Variants in DLGAP4 observed in about 807,000 individuals in gnomAD.
DLGAP4 encodes the protein disks large-associated protein 4.
A neutral mutation model predicts 86.9 loss-of-function variants in DLGAP4; 18 were observed. That is an observed-to-expected ratio of 0.21 (90% CI 0.14 to 0.31). The LOEUF is 0.31. DLGAP4 is among the 10% of genes least tolerant of loss of function. DLGAP4 has a pLI of 1.00. For synonymous variants in DLGAP4, 548 were observed against 574.3 expected (o/e 0.95, Z 0.65); for missense variants, 1,085 against 1,362.6 (o/e 0.80, Z 3.21).
At chr20:36,486,908 G>A (rs966806479) in intron 7 of DLGAP4, among the ~76,000 whole-genome samples, 4 of 148,220 alleles carry the variant, frequency 2.7e-5, no homozygotes, top group African/African-American at 1.0e-4. Flanking sequence ...CACCTCACCC[G>A]GCCTGGAATG....
At chr20:36,481,236 A>T (rs2035173478) in intron 7 of DLGAP4, among the ~76,000 whole-genome samples, 1 of 152,040 alleles carries the variant, frequency 6.6e-6, no homozygotes, top group African/African-American at 2.4e-5. Context: ...CTTCTTAGAA[A>T]GCTCCTCTTT....
At chr20:36,464,407 A>G (rs1600574682) in intron 7 of DLGAP4, among the ~76,000 whole-genome samples, 2 of 152,156 alleles carry the variant, frequency 1.3e-5, no homozygotes, top group East Asian at 3.8e-4. Flanking sequence ...AAAAAATACA[A>G]AAATTAGCTG....
chr20:36,373,219 A>T (rs1274660769), intron 2 of DLGAP4, among the ~76,000 whole-genome samples: 1 of 152,176 alleles, frequency 6.6e-6, no homozygotes, highest in African/African-American at 2.4e-5. Flanking sequence ...GATTCGATTG[A>T]CTTGTAACTG....
rs1198520060 is a variant in DLGAP4 at position 36,394,554 on chromosome 20, G to C, written c.-73+27279G>C. On this transcript the variant is annotated intron_variant, in intron 2 of 12. Transcript: ENST00000339266. Reference sequence around the variant, plus strand: ...GCTGTGTGGGCTGTGGTGCGTGTGTGTGCACGTGGCCCTGGGTACATGCAC... The same window carrying C: ...GCTGTGTGGGCTGTGGTGCGTGTGTCTGCACGTGGCCCTGGGTACATGCAC... Among the ~76,000 whole-genome samples the C allele has an allele frequency of 2.0e-5, 3 of 152,204 alleles. No homozygotes were observed. In the East Asian group the frequency reaches 5.8e-4, roughly 29 times the overall value.
intron 1 of DLGAP4, among the ~76,000 whole-genome samples, chr20:36,326,144 G>A (rs1555890996): frequency 6.6e-6 from 1 of 152,134 alleles, no homozygotes; most frequent in Admixed American, 6.5e-5. Context: ...AGCATTTCTT[G>A]TAGGCAGCAT....
chr20:36,435,642 C>G (rs1422662408), intron 3 of DLGAP4, among the ~76,000 whole-genome samples: 1 of 152,236 alleles, frequency 6.6e-6, no homozygotes, highest in Non-Finnish European at 1.5e-5. Context: ...CCCGTCCCCC[C>G]TCATGCTGAT....
At chr20:36,404,235 G>T (rs188173643) in intron 2 of DLGAP4, among the ~76,000 whole-genome samples, 1 of 152,288 alleles carries the variant, frequency 6.6e-6, no homozygotes, top group African/African-American at 2.4e-5. Flanking sequence ...ATGGAGGTTG[G>T]ATTTGGTGAT....
intron 1 of DLGAP4, among the ~76,000 whole-genome samples, chr20:36,333,901 G>A (rs1426430273): frequency 6.6e-6 from 1 of 152,250 alleles, no homozygotes; most frequent in Non-Finnish European, 1.5e-5. Flanking sequence ...GGAAACTCAT[G>A]GGACCTGCCT....
chr20:36,345,949 G>A (rs954956460), intron 1 of DLGAP4, among the ~76,000 whole-genome samples: 1 of 152,016 alleles, frequency 6.6e-6, no homozygotes, highest in Admixed American at 6.6e-5. Context: ...TAGAGACAGG[G>A]TCTTGCTATG....
intron 4 of DLGAP4, among the ~76,000 whole-genome samples, chr20:36,437,750 G>A (rs1024297325): frequency 6.6e-5 from 10 of 152,176 alleles, no homozygotes; most frequent in African/African-American, 2.4e-4. Context: ...GAACAGGTCA[G>A]GTGACACTGG....
intron 8 of DLGAP4, 40 bp downstream of exon 8, chr20:36,497,106 C>G (rs754691389): frequency 2.6e-6 from 4 of 1,540,986 alleles, no homozygotes; most frequent in Non-Finnish European, 3.5e-6. Context: ...CAGCCCACTC[C>G]GTGCACCTGC....
chr20:36,306,488 G>T lies in DLGAP4; in HGVS notation c.-328G>T. On this transcript the variant is annotated 5_prime_UTR_variant, in exon 1 of 13. Transcript: ENST00000339266. The surrounding 1 kb of genome is among the most constrained non-coding windows in gnomAD (Gnocchi z 4.9). ...CGCAGCGGAACGGCAGAGCGGGCCGGAGGCGGCCGAGGCGCCCGGCGCAGG... is the reference window on the plus strand; with the variant it reads ...CGCAGCGGAACGGCAGAGCGGGCCGTAGGCGGCCGAGGCGCCCGGCGCAGG... The T allele has an allele frequency of 6.6e-6, 1 of 151,086 alleles. No individual in the cohort carries two copies. Among genetic ancestry groups the T allele is most frequent in the South Asian group, 1.8e-4 (1 of 5,574 alleles). The allele number at this position is 151,086 out of a possible 1,614,324, so 9.4% of individuals were successfully genotyped here. A position where few individuals can be genotyped will look rare whatever the true frequency, so the allele number is the denominator to read the frequency against.
At chr20:36,502,209 CTA>C (rs2036175412) in intron 10 of DLGAP4, among the ~76,000 whole-genome samples, 1 of 152,168 alleles carries the variant, frequency 6.6e-6, no homozygotes, top group East Asian at 1.9e-4. Context: ...TTTCTGTTTA[CTA>C]TGAGTATGTA....
chr20:36,318,279 C>T (rs1367252129), intron 1 of DLGAP4, among the ~76,000 whole-genome samples: 1 of 152,114 alleles, frequency 6.6e-6, no homozygotes, highest in Non-Finnish European at 1.5e-5. Flanking sequence ...AGCTGTCTCT[C>T]CAACATGCCC....
intron 5 of DLGAP4, among the ~76,000 whole-genome samples, chr20:36,440,338 G>T (rs1291416042): frequency 6.6e-6 from 1 of 152,128 alleles, no homozygotes; most frequent in East Asian, 1.9e-4. Context: ...CTCAGCAGAG[G>T]GTAGCTGCCT....
intron 2 of DLGAP4, among the ~76,000 whole-genome samples, chr20:36,405,153 A>G (rs2032280766): frequency 6.6e-6 from 1 of 152,246 alleles, no homozygotes; most frequent in Non-Finnish European, 1.5e-5. Flanking sequence ...CCAGGGAAGC[A>G]GGGCAGCCGG....
intron 2 of DLGAP4, among the ~76,000 whole-genome samples, chr20:36,423,502 G>C (rs1033544654): frequency 4.2e-5 from 6 of 142,930 alleles, no homozygotes; most frequent in Admixed American, 7.1e-5. Flanking sequence ...TTTGAATACA[G>C]GTCCAACTAC....
At position 36,461,533 on chromosome 20, in the gene DLGAP4, C is replaced by T. The variant is rs1407043922; in HGVS notation, c.1648+14596C>T. On this transcript the variant is annotated intron_variant, in intron 7 of 12. Transcript: ENST00000339266. ...AGGGTGAGTGCCCGCCGCTGGCCGC[C>T]GCCGCCGCCGCCAGTCCGTCCGTCT... 19 of 976,240 alleles carry T rather than the reference C, an allele frequency of 1.9e-5. No homozygotes were observed. In the Admixed American group the frequency reaches 2.5e-4, roughly 13 times the overall value. The allele number at this position is 976,240 out of a possible 1,614,324, so 60.5% of individuals were successfully genotyped here. A position where few individuals can be genotyped will look rare whatever the true frequency, so the allele number is the denominator to read the frequency against.
At chr20:36,353,577 G>A (rs1439806857) in intron 1 of DLGAP4, among the ~76,000 whole-genome samples, 2 of 152,236 alleles carry the variant, frequency 1.3e-5, no homozygotes, top group African/African-American at 4.8e-5. Context: ...CTCAGCACAT[G>A]CAGGCCACAG....
Sources: gnomAD v4.1 joint callset for allele counts (sites outside exome capture counted in the v4.1 genomes callset) on GRCh38, gnomAD v4.1.1 for gene constraint, Gnocchi (gnomAD v3.1) non-coding constraint, MANE v1.5 for transcripts, NCBI Gene and HGNC (gene_info 2026-07-23, HGNC 2026-07-21) for gene names.